The following POLE variants were observed in gnomAD, a reference collection of about 807,000 sequenced individuals.
POLE encodes DNA polymerase epsilon catalytic subunit A.
A neutral mutation model predicts 279.2 loss-of-function variants in POLE; 188 were observed. The observed-to-expected ratio is 0.67, with a 90% CI of 0.60 to 0.76. The LOEUF is 0.76. Ranked by LOEUF, POLE falls within the 30% of genes least tolerant of loss-of-function variation. The probability of loss-of-function intolerance (pLI) is 0.00; values close to 1 mark genes in which losing one functional copy is unlikely to be tolerated. For missense variants in POLE, 2,703 were observed against 3,016.7 expected, an observed-to-expected ratio of 0.90 and a Z score of 2.44; for synonymous variants, 1,214 against 1,172.5, an observed-to-expected ratio of 1.04 and a Z score of -0.72.
rs528482780 is a variant in POLE, at chr12:132,628,068, G to A, written c.6331-1751C>T. On this transcript the variant is annotated intron_variant, in intron 45 of 48. Coordinates refer to ENST00000320574, the MANE Select transcript of POLE (RefSeq NM_006231.4). Reference sequence around the variant, plus strand: ...TCTCAAGAAACTACTTTTTGGCCAGGTGCGGTGGCTCACGCCTGTAATCCC... The same window carrying A: ...TCTCAAGAAACTACTTTTTGGCCAGATGCGGTGGCTCACGCCTGTAATCCC... 2.6e-5 allele frequency among the ~76,000 whole-genome samples: 4 copies of A among 152,344 alleles called. No homozygotes were observed. The East Asian group carries it at 7.7e-4, about 29-fold the overall frequency.
chr12:132,671,262 CAAAAAAA>C (rs397850854), intron 16 of POLE, among the ~76,000 whole-genome samples: 1 of 64,496 alleles, frequency 1.6e-5, no homozygotes, highest in Non-Finnish European at 2.7e-5. Flanking sequence ...GACTCCGTCT[CAAAAAAA>C]AAAAAAAAAA....
intron 45 of POLE, among the ~76,000 whole-genome samples, chr12:132,631,195 CA>C (rs1169139721): frequency 6.6e-6 from 1 of 152,084 alleles, no homozygotes; most frequent in Non-Finnish European, 1.5e-5. Flanking sequence ...AAGCCACATC[CA>C]AAAGGCTGCA....
Position 132,645,013 on chromosome 12 carries a change from G to T in POLE, c.4150-1036C>A, listed in dbSNP as rs537876666. Among the ~76,000 whole-genome samples the T allele has an allele frequency of 1.1e-3, 97 of 91,468 alleles. 2 individuals are homozygous for T. The highest frequency in any genetic ancestry group is 1.8e-3 in the Non-Finnish European group (86 of 47,824). The allele number at this position is 91,468 out of a possible 152,430, so 60.0% of individuals were successfully genotyped here. ...GCTTCGTGAATGGGGTCCTGGGGGGGCCTGGGAAAGCTGGAGAGGGGGCAC... is the reference window on the plus strand; with the variant it reads ...GCTTCGTGAATGGGGTCCTGGGGGGTCCTGGGAAAGCTGGAGAGGGGGCAC... On this transcript the variant is annotated intron_variant, in intron 32 of 48. Coordinates refer to ENST00000320574, the MANE Select transcript of POLE (RefSeq NM_006231.4).
chr12:132,626,010 G>C, intron 46 of POLE, 107 bp downstream of exon 46: 2 of 1,193,620 alleles, frequency 1.7e-6, no homozygotes, highest in South Asian at 2.7e-5. Flanking sequence ...AGTCAGAGGG[G>C]CAGCAGGTGT....
intron 23 of POLE, among the ~76,000 whole-genome samples, chr12:132,662,524 T>C (rs1160414055): frequency 6.6e-6 from 1 of 152,176 alleles, no homozygotes; most frequent in African/African-American, 2.4e-5. Flanking sequence ...CAGTTCTGTG[T>C]GCGTGCGTTA....
At position 132,672,265 on chromosome 12, in the gene POLE, G is replaced by C. The variant is rs761273376; in HGVS notation, c.1744C>G (p.Leu582Val). Reference protein sequence around the residue: ...QRVEKTLRHALEEEEKVPVEQ... With the variant: ...QRVEKTLRHAVEEEEKVPVEQ... Reference sequence around the variant, plus strand: ...ACAGGCACTTTCTCCTCTTCCTCAAGGGCGTGGCGCAAGGTCTTCTCAACC... The same window carrying C: ...ACAGGCACTTTCTCCTCTTCCTCAACGGCGTGGCGCAAGGTCTTCTCAACC... Residue 582 changes from leucine (L) to valine (V), a missense_variant, in exon 16 of 49, where the codon CTT (leucine) becomes GTT (valine). Physicochemically the swap from Leu to Val is conservative, Grantham distance 32 (BLOSUM62 1). This residue lies in a region of POLE where 1,011 missense variants were observed against 1,111.7 expected (regional missense o/e 0.91). Transcript: ENST00000320574. 1.2e-6 allele frequency: 2 copies of C among 1,614,190 alleles called. No individual in the cohort carries two copies. The highest frequency in any genetic ancestry group is 1.7e-6 in the Non-Finnish European group (2 of 1,180,034).
rs5744782 is a variant in POLE at position 132,672,442 on chromosome 12, T to C, written c.1687-120A>G. 3,113 of 1,053,728 alleles carry C rather than the reference T, an allele frequency of 3.0e-3. 67 individuals carry two copies. In the African/African-American group the frequency reaches 0.042, roughly 14 times the overall value. The allele number at this position is 1,053,728 out of a possible 1,614,324, so 65.3% of individuals were successfully genotyped here. A position where few individuals can be genotyped will look rare whatever the true frequency, so the allele number is the denominator to read the frequency against. ...CCCGAGAAAGCTCCGGAAGGACTCA[T>C]GTGCACAATCTGCAGTGCACTGCCC... On this transcript the variant is annotated intron_variant, in intron 15 of 48. Transcript: ENST00000320574.
rs778914414 is a variant in POLE, at chr12:132,642,843, G to A, written c.4705C>T (p.Gln1569Ter). The A allele has an allele frequency of 1.2e-6, 2 of 1,614,064 alleles. No homozygotes were observed. The highest frequency in any genetic ancestry group is 1.7e-6 in the Non-Finnish European group (2 of 1,179,992). ...ACCTTGTAGGCGAGCAGGAATCGCT[G>A]GATGGCTCTGCAGATGGTCTTCAGG... is the stretch of plus-strand genomic sequence containing the variant. ...TDLKTICRAI[Q>*]RFLLAYKEER... The change falls in exon 36 of 49, where the codon CAG becomes TAG. Residue 1569 changes from glutamine (Q) to a stop codon, truncating the protein, a stop_gained. Coordinates refer to ENST00000320574, the MANE Select transcript of POLE (RefSeq NM_006231.4). LOFTEE classifies it high-confidence loss of function.
At position 132,643,246 on chromosome 12, in the gene POLE, G is replaced by A. The variant is rs1860838711; in HGVS notation, c.4529C>T (p.Ala1510Val). ...CACAGTGTCCAGCACAAAGACGGATGCCCTGCGCTGTGAGGGGATGAAGAT... is the reference window on the plus strand; with the variant it reads ...CACAGTGTCCAGCACAAAGACGGATACCCTGCGCTGTGAGGGGATGAAGAT... ...FGIFIPSQRRASVFVLDTVRS... is the reference protein window; with the variant it reads ...FGIFIPSQRRVSVFVLDTVRS... The change falls in exon 35 of 49, where the codon GCA (alanine) becomes GTA (valine). Residue 1510 changes from alanine to valine, a missense_variant. Ala to Val is a moderately conservative substitution (Grantham distance 64, BLOSUM62 0). This residue lies in a region of POLE where 1,551 missense variants were observed against 1,686.1 expected (regional missense o/e 0.92). Transcript: ENST00000320574. 3.1e-6 allele frequency: 5 copies of A among 1,613,554 alleles called. No homozygotes were observed. The highest frequency in any genetic ancestry group is 1.1e-5 in the South Asian group (1 of 91,084).
Position 132,658,881 on chromosome 12 carries a change from CAAAAAAAAAAAA to C in POLE, c.3275+402_3275+413del, listed in dbSNP as rs1167117347. Among the ~76,000 whole-genome samples, 73 of 33,838 alleles carry C rather than the reference CAAAAAAAAAAAA, an allele frequency of 2.2e-3. 2 individuals carry two copies. The highest frequency in any genetic ancestry group is 6.4e-3 in the African/African-American group (63 of 9,782). 22.2% of individuals were successfully genotyped at this position (33,838 alleles called of 152,430 possible). On this transcript the variant is annotated intron_variant, in intron 26 of 48. Coordinates refer to ENST00000320574, the MANE Select transcript of POLE (RefSeq NM_006231.4). ...ACTGGTCCTATTTGTATATAACCAC[CAAAAAAAAAAAA>C]AAAAAAAAAAAAAAAGAGCAGTTTC...
chr12:132,664,203 G>A lies in POLE; in HGVS notation c.2562-55C>T. On this transcript the variant is annotated intron_variant, in intron 22 of 48. Coordinates refer to ENST00000320574, the MANE Select transcript of POLE (RefSeq NM_006231.4). The surrounding 1 kb of genome is among the most constrained non-coding windows in gnomAD (Gnocchi z 5.3). ...AGTTCCCCTTTCCTTTTCACCCAGT[G>A]TGTGGCCTCCAGCCTTCCCTCCTTC... 6.3e-7 allele frequency: 1 copy of A among 1,584,668 alleles called. No homozygotes were observed. Among genetic ancestry groups the A allele is most frequent in the Middle Eastern group, 1.8e-4 (1 of 5,602 alleles).
At chr12:132,672,101 A>T (rs893845755) in intron 16 of POLE, 114 bp downstream of exon 16, 3 of 731,954 alleles carry the variant, frequency 4.1e-6, no homozygotes, top group Admixed American at 2.0e-5. Flanking sequence ...ACCCTGTGTC[A>T]TCCGTCCACA....
chr12:132,624,685 G>A lies in POLE; in HGVS notation c.*12C>T. 2.6e-6 allele frequency: 4 copies of A among 1,550,652 alleles called. No individual in the cohort carries two copies. Among genetic ancestry groups the A allele is most frequent in the Non-Finnish European group, 3.6e-6 (4 of 1,123,234 alleles). On this transcript the variant is annotated 3_prime_UTR_variant, in exon 49 of 49. Coordinates refer to ENST00000320574, the MANE Select transcript of POLE (RefSeq NM_006231.4). ...TGGCACGGACGCAGAGGCACCCGGG[G>A]CCCGGGGCTGGCTAATGGCCCAGCT...
chr12:132,686,310 T>G (rs2043264958), intron 1 of POLE, among the ~76,000 whole-genome samples: 2 of 152,040 alleles, frequency 1.3e-5, no homozygotes, highest in Non-Finnish European at 2.9e-5. Context: ...CAGGCTGGAG[T>G]GCGGTGGCGC....
chr12:132,639,993 A>G lies in POLE; in HGVS notation c.5379-695T>C, dbSNP rs2042109863. ...AAAACAAAACAAAACAAAACAAAAC[A>G]AAACATCACCATACCCACATGGCCC... On this transcript the variant is annotated intron_variant, in intron 39 of 48. Transcript: ENST00000320574. This position sits in a 1 kb window ranked among gnomAD's most constrained non-coding sequence, Gnocchi z 4.7. Among the ~76,000 whole-genome samples, 1 of 134,376 alleles carries G rather than the reference A, an allele frequency of 7.4e-6. No homozygotes were observed. Among genetic ancestry groups the G allele is most frequent in the Non-Finnish European group, 1.6e-5 (1 of 63,434 alleles). The allele number at this position is 134,376 out of a possible 152,430, so 88.2% of individuals were successfully genotyped here. A position where few individuals can be genotyped will look rare whatever the true frequency, so the allele number is the denominator to read the frequency against.
intron 46 of POLE, 31 bp downstream of exon 46, chr12:132,626,086 C>T: frequency 6.4e-7 from 1 of 1,563,788 alleles, no homozygotes; most frequent in Non-Finnish European, 8.7e-7. Flanking sequence ...TTCTGCTCCA[C>T]AGTGAAGGGC....
At chr12:132,673,730 A>C (rs774752044) in intron 12 of POLE, 23 bp from the exon 13 acceptor site, 2 of 1,612,050 alleles carry the variant, frequency 1.2e-6, no homozygotes, top group Non-Finnish European at 1.7e-6. Context: ...TGAGAACAGA[A>C]GCCAGGATGA....
At position 132,643,058 on chromosome 12, in the gene POLE, G is replaced by A. The variant is rs992243697; in HGVS notation, c.4552-62C>T. On this transcript the variant is annotated intron_variant, in intron 35 of 48. Coordinates refer to ENST00000320574, the MANE Select transcript of POLE (RefSeq NM_006231.4). ...CAGGAGGAAGTGGGGGCAGCCCTGG[G>A]GCAGACTCCACCACTGCCACGGCAC... 1.5e-5 allele frequency: 23 copies of A among 1,521,866 alleles called. 1 individual carries two copies. In the South Asian group the frequency reaches 2.2e-4, roughly 15 times the overall value. The allele number at this position is 1,521,866 out of a possible 1,614,324, so 94.3% of individuals were successfully genotyped here.
chr12:132,626,148 A>G lies in POLE; in HGVS notation c.6500T>C (p.Leu2167Pro). The G allele has an allele frequency of 6.2e-7, 1 of 1,607,950 alleles. No homozygotes were observed. The highest frequency in any genetic ancestry group is 1.3e-5 in the African/African-American group (1 of 74,864). ...ICRSCNFCRD[L>P]DLCKDSSFSE... Reference sequence around the variant, plus strand: ...GAAGGAAGAGTCTTTACACAGGTCCAGGTCGCGGCAGAAGTTACAGCTGCG... The same window carrying G: ...GAAGGAAGAGTCTTTACACAGGTCCGGGTCGCGGCAGAAGTTACAGCTGCG... The change falls in exon 46 of 49, where the codon CTG (leucine) becomes CCG (proline). Residue 2167 changes from leucine to proline, a missense_variant. Around this residue, in one of 5 missense-constraint regions of POLE, gnomAD observed 1,551 missense variants for 1,686.1 expected, o/e 0.92. Coordinates refer to ENST00000320574, the MANE Select transcript of POLE (RefSeq NM_006231.4).
Sources: gnomAD v4.1 joint callset for allele counts (sites outside exome capture counted in the v4.1 genomes callset) on GRCh38, gnomAD v4.1.1 for gene constraint, gnomAD v4.1.1 regional missense constraint, Gnocchi (gnomAD v3.1) non-coding constraint, MANE v1.5 for transcripts, NCBI Gene and HGNC (gene_info 2026-07-23, HGNC 2026-07-21) for gene names.